SLC25A12: variants seen among roughly 807,000 people sequenced by gnomAD.
SLC25A12 encodes the protein solute carrier family 25 member 12, also known as electrogenic aspartate/glutamate antiporter SLC25A12, mitochondrial.
Under a neutral mutation model 83.3 loss-of-function variants are expected in SLC25A12, and 32 were observed. That is an observed-to-expected ratio of 0.38 (90% confidence interval 0.29 to 0.52). The LOEUF is 0.52. Among genes scored for constraint, SLC25A12 ranks in the 20% least tolerant of loss-of-function variants. The pLI is 0.84. For missense variants in SLC25A12, 611 were observed against 835.6 expected, an observed-to-expected ratio of 0.73 and a Z score of 3.31; for synonymous variants, 267 against 291.1, an observed-to-expected ratio of 0.92 and a Z score of 0.84.
rs898014866 is a variant in SLC25A12, at chr2:171,785,418, G to A, written c.1893C>T (p.Ala631=). The A allele has an allele frequency of 2.5e-6, 4 of 1,614,110 alleles. No homozygotes were observed. The African/African-American group carries it at 5.3e-5, about 22-fold the overall frequency. The change falls in exon 18 of 18, where the codon GCC becomes GCT. Residue 631 remains alanine (A), a synonymous_variant. Transcript: ENST00000422440. Reference sequence around the variant, plus strand: ...TGTATCCACCGATGTGATCAGGGTTGGCAGGAGGAAGGTCTGCAATGCGTG... The same window carrying A: ...TGTATCCACCGATGTGATCAGGGTTAGCAGGAGGAAGGTCTGCAATGCGTG... ...PKSRIADLPP[A]NPDHIGGYRL... is the part of the protein sequence containing the mutation.
In SLC25A12 at chr2:171,834,044, T is replaced by G; in HGVS notation, c.764A>C (p.Gln255Pro). The G allele has an allele frequency of 6.2e-7, 1 of 1,603,438 alleles. No individual in the cohort carries two copies. Among genetic ancestry groups the G allele is most frequent in the Non-Finnish European group, 8.5e-7 (1 of 1,170,492 alleles). ...DVEVTKEEFAQSAIRYGQVTP... is the reference protein window; with the variant it reads ...DVEVTKEEFAPSAIRYGQVTP... Reference sequence around the variant, plus strand: ...GACTTGTCCATAGCGTATGGCACTCTGGGCAAATTCCTCTGGAACAGAGAA... The same window carrying G: ...GACTTGTCCATAGCGTATGGCACTCGGGGCAAATTCCTCTGGAACAGAGAA... The change falls in exon 8 of 18, where the codon CAG becomes CCG. Residue 255 changes from glutamine to proline, a missense_variant. Coordinates refer to ENST00000422440, the MANE Select transcript of SLC25A12 (RefSeq NM_003705.5).
chr2:171,812,865 G>C (rs1252402918), intron 11 of SLC25A12, among the ~76,000 whole-genome samples: 2 of 149,162 alleles, frequency 1.3e-5, no homozygotes, highest in African/African-American at 4.9e-5. Flanking sequence ...GTCCCTGAAA[G>C]AGACAAAAAC....
At chr2:171,805,527 T>C (rs971903884) in intron 13 of SLC25A12, among the ~76,000 whole-genome samples, 7 of 152,232 alleles carry the variant, frequency 4.6e-5, no homozygotes, top group African/African-American at 1.7e-4. Flanking sequence ...GATTTGGAGA[T>C]AGAAGTGGTT....
At chr2:171,826,434 C>T (rs1229052517) in intron 9 of SLC25A12, among the ~76,000 whole-genome samples, 2 of 152,188 alleles carry the variant, frequency 1.3e-5, no homozygotes, top group East Asian at 1.9e-4. Flanking sequence ...ATGGCAAAAC[C>T]TTGTCTCTAC....
rs1301478345 is a variant in SLC25A12 at position 171,867,024 on chromosome 2, C to T, written c.209+1657G>A. Among the ~76,000 whole-genome samples the T allele has an allele frequency of 2.7e-4, 39 of 145,222 alleles. No individual in the cohort carries two copies. The South Asian group carries it at 3.2e-3, about 12-fold the overall frequency. On this transcript the variant is annotated intron_variant, in intron 3 of 17. Transcript: ENST00000422440. ...CGCGGCTGGGCAGAGGCGCTCCTCACATCCCAGACGGGGCGGTGGGGCAGA... is the reference window on the plus strand; with the variant it reads ...CGCGGCTGGGCAGAGGCGCTCCTCATATCCCAGACGGGGCGGTGGGGCAGA...
rs576391994 is a variant in SLC25A12, at chr2:171,783,425, A to G, written c.*1849T>C. Among the ~76,000 whole-genome samples the G allele has an allele frequency of 1.0e-3, 153 of 152,358 alleles. No homozygotes were observed. The highest frequency in any genetic ancestry group is 3.6e-3 in the African/African-American group (149 of 41,588). ...ATGCAGCCATTAAAAATAAAACTTT[A>G]TAAACTGACATGGAAAGATATCCAA... On this transcript the variant is annotated 3_prime_UTR_variant, in exon 18 of 18. Transcript: ENST00000422440.
chr2:171,853,689 A>T (rs150216591), intron 4 of SLC25A12, among the ~76,000 whole-genome samples: 274 of 152,326 alleles, frequency 1.8e-3, no homozygotes, highest in African/African-American at 6.4e-3. Flanking sequence ...TCCAAAAAAA[A>T]AAAACTAAAG....
intron 16 of SLC25A12, 64 bp from the exon 17 acceptor site, chr2:171,787,725 C>T: frequency 6.2e-7 from 1 of 1,608,916 alleles, no homozygotes; most frequent in Non-Finnish European, 8.5e-7. Context: ...AAGATAGCCA[C>T]TGAGTCACAG....
rs1035737391 is a variant in SLC25A12 at position 171,797,701 on chromosome 2, T to A, written c.1306-3934A>T. Among the ~76,000 whole-genome samples, 58 of 152,186 alleles carry A rather than the reference T, an allele frequency of 3.8e-4. 1 individual carries two copies. Among genetic ancestry groups the A allele is most frequent in the African/African-American group, 1.4e-3 (56 of 41,448 alleles). On this transcript the variant is annotated intron_variant, in intron 13 of 17. Transcript: ENST00000422440. ...GTTAGTTACTGTGGACCCAAGGTTT[T>A]TTAAAAAGCTTATTATATATGAACA... is the stretch of plus-strand genomic sequence containing the variant.
chr2:171,892,980 T>C (rs1325682555), intron 2 of SLC25A12, among the ~76,000 whole-genome samples: 2 of 147,434 alleles, frequency 1.4e-5, no homozygotes, highest in Non-Finnish European at 3.1e-5. Context: ...TCTTAAGTCA[T>C]GTAAAAAAAA....
intron 4 of SLC25A12, among the ~76,000 whole-genome samples, chr2:171,851,492 T>TAA (rs367909612): frequency 1.6e-5 from 2 of 126,866 alleles, no homozygotes; most frequent in African/African-American, 2.8e-5. Context: ...CCTGGCCCCT[T>TAA]AAAAAAAAAA....
chr2:171,830,221 A>G (rs1461109218), intron 8 of SLC25A12, among the ~76,000 whole-genome samples: 1 of 152,216 alleles, frequency 6.6e-6, no homozygotes, highest in Non-Finnish European at 1.5e-5. Context: ...ATAGAAACAA[A>G]TAATCTATAT....
intron 9 of SLC25A12, 44 bp from the exon 10 acceptor site, chr2:171,815,246 A>C: frequency 7.5e-7 from 1 of 1,330,442 alleles, no homozygotes; most frequent in Non-Finnish European, 1.1e-6. Context: ...GAAAGCGCAC[A>C]CAGCAAGTGA....
chr2:171,855,418 G>A (rs972346466), intron 4 of SLC25A12, among the ~76,000 whole-genome samples: 2 of 152,096 alleles, frequency 1.3e-5, no homozygotes, highest in Non-Finnish European at 2.9e-5. Context: ...CATTCTTGGT[G>A]TTACAATGAC....
chr2:171,857,042 C>G (rs1685061109), intron 3 of SLC25A12, among the ~76,000 whole-genome samples: 2 of 152,104 alleles, frequency 1.3e-5, no homozygotes, highest in South Asian at 4.1e-4. Flanking sequence ...TTACATTATT[C>G]TCTGTGTTAT....
intron 11 of SLC25A12, among the ~76,000 whole-genome samples, chr2:171,811,597 T>C (rs1291015832): frequency 2.0e-5 from 3 of 152,212 alleles, no homozygotes. Context: ...GCAAGCAATA[T>C]ATGACAATCT....
At chr2:171,856,916 G>C (rs896337500) in intron 3 of SLC25A12, among the ~76,000 whole-genome samples, 7 of 152,160 alleles carry the variant, frequency 4.6e-5, no homozygotes, top group Non-Finnish European at 8.8e-5. Flanking sequence ...ACTTACAAAT[G>C]AAATACATCA....
rs540727087 is a variant in SLC25A12, at chr2:171,795,400, G to T, written c.1306-1633C>A. 1.2e-3 allele frequency among the ~76,000 whole-genome samples: 188 copies of T among 152,248 alleles called. 1 individual carries two copies. The highest frequency in any genetic ancestry group is 1.8e-3 in the Non-Finnish European group (125 of 68,022). ...TCTAAGCAAACAATACTTTCAAAAG[G>T]ATTGCTGCATGAAAAATTATGTTAA... is the stretch of plus-strand genomic sequence containing the variant. On this transcript the variant is annotated intron_variant, in intron 13 of 17. Coordinates refer to ENST00000422440, the MANE Select transcript of SLC25A12 (RefSeq NM_003705.5).
intron 2 of SLC25A12, among the ~76,000 whole-genome samples, chr2:171,875,710 G>A (rs1454818770): frequency 6.6e-6 from 1 of 151,688 alleles, no homozygotes; most frequent in Non-Finnish European, 1.5e-5. Context: ...TCAGGAGATC[G>A]AGACCATCCT....
Sources: gnomAD v4.1 joint callset for allele counts (sites outside exome capture counted in the v4.1 genomes callset) on GRCh38, gnomAD v4.1.1 for gene constraint, MANE v1.5 for transcripts, NCBI Gene and HGNC (gene_info 2026-07-23, HGNC 2026-07-21) for gene names.